OXSR1: variants seen among roughly 807,000 people sequenced by gnomAD.
OXSR1 encodes the protein oxidative stress responsive kinase 1, also known as serine/threonine-protein kinase OSR1.
In OXSR1, 24 loss-of-function variants were observed where a neutral mutation model predicts 79.8. The ratio of observed to expected loss-of-function variants is 0.30; its 90% CI spans 0.22 to 0.42. The LOEUF is 0.42. OXSR1 is among the 10% of genes least tolerant of loss of function. OXSR1 has a pLI of 1.00. For synonymous variants in OXSR1, 226 were observed against 209.2 expected (o/e 1.08, Z -0.69); for missense variants, 430 against 618.4 (o/e 0.70, Z 3.23).
chr3:38,211,057 G>T (rs1292068750), intron 4 of OXSR1, among the ~76,000 whole-genome samples: 2 of 152,152 alleles, frequency 1.3e-5, no homozygotes, highest in Non-Finnish European at 2.9e-5. Flanking sequence ...GACTATTTGG[G>T]CAGATTCACA....
intron 3 of OXSR1, among the ~76,000 whole-genome samples, chr3:38,191,886 A>T (rs1416009911): frequency 6.6e-6 from 1 of 152,114 alleles, no homozygotes; most frequent in Non-Finnish European, 1.5e-5. Context: ...TTACGGCATC[A>T]TTTCTTTTAT....
chr3:38,204,943 C>T (rs925051941), intron 4 of OXSR1, among the ~76,000 whole-genome samples: 10 of 152,314 alleles, frequency 6.6e-5, no homozygotes, highest in African/African-American at 2.4e-4. Flanking sequence ...TTTAGGACCC[C>T]AGAGCACTTT....
rs1702635574 is a variant in OXSR1 at position 38,223,758 on chromosome 3, CT to C, written c.601-50del. On this transcript the variant is annotated intron_variant, in intron 6 of 17. Transcript: ENST00000311806. ...AGCCTCCACCCTGGCCAGAAGCTAACTTTTAAAAGTCCTTTTATGCTGGTAA... is the reference window on the plus strand; with the variant it reads ...AGCCTCCACCCTGGCCAGAAGCTAACTTTAAAAGTCCTTTTATGCTGGTAA... 5.9e-6 allele frequency: 8 copies of C among 1,361,086 alleles called. No homozygotes were observed. In the East Asian group the frequency reaches 1.9e-4, roughly 32 times the overall value. The allele number at this position is 1,361,086 out of a possible 1,614,324, so 84.3% of individuals were successfully genotyped here.
chr3:38,200,345 A>T (rs762396897), intron 4 of OXSR1, among the ~76,000 whole-genome samples: 1 of 152,200 alleles, frequency 6.6e-6, no homozygotes, highest in Non-Finnish European at 1.5e-5. Flanking sequence ...GTTATAGCAG[A>T]TTAAAGGAAA....
Position 38,193,206 on chromosome 3 carries a change from A to G in OXSR1, c.292+2367A>G. ...AATAGGTGCACAAGAAATTTTAGTC[A>G]TTAATAGTAATAAGCCCTTGTTATT... On this transcript the variant is annotated intron_variant, in intron 3 of 17. Transcript: ENST00000311806. 5 of 1,159,696 alleles carry G rather than the reference A, an allele frequency of 4.3e-6. No homozygotes were observed. The South Asian group carries it at 5.1e-5, about 12-fold the overall frequency. 71.8% of individuals were successfully genotyped at this position (1,159,696 alleles called of 1,614,324 possible).
In OXSR1 at chr3:38,202,910, C is replaced by T. The variant is rs565831582; in HGVS notation, c.434+4047C>T. On this transcript the variant is annotated intron_variant, in intron 4 of 17. Transcript: ENST00000311806. ...AAGACACCCATTACTTAGCAGACCA[C>T]GAAAGGGAGTCTCCTTTCCTTGGAG... Among the ~76,000 whole-genome samples, 109 of 152,266 alleles carry T rather than the reference C, an allele frequency of 7.2e-4. 1 individual carries two copies. The highest frequency in any genetic ancestry group is 9.6e-4 in the Non-Finnish European group (65 of 68,012).
At chr3:38,182,806 C>G (rs1701812564) in intron 1 of OXSR1, among the ~76,000 whole-genome samples, 197 bp from the exon 2 acceptor site, 1 of 152,026 alleles carries the variant, frequency 6.6e-6, no homozygotes, top group Non-Finnish European at 1.5e-5. Context: ...TTTTTTTGCA[C>G]TGGTATTTAT....
rs767063485 is a variant in OXSR1, at chr3:38,246,142, C to G, written c.1178C>G (p.Pro393Arg). Residue 393 changes from proline to arginine, a missense_variant, in exon 13 of 18, where the codon CCT becomes CGT. Pro to Arg is a moderately radical substitution (Grantham distance 103). Transcript: ENST00000311806. Reference protein sequence around the residue: ...QVPEQISAHLPQPAGQIATQP... With the variant: ...QVPEQISAHLRQPAGQIATQP... ...CCAGAACAGATCTCTGCTCATCTACCTCAGCCAGCTGGGCAGATTGCTACA... is the reference window on the plus strand; with the variant it reads ...CCAGAACAGATCTCTGCTCATCTACGTCAGCCAGCTGGGCAGATTGCTACA... The G allele has an allele frequency of 3.7e-6, 6 of 1,613,802 alleles. No individual in the cohort carries two copies. The Admixed American group carries it at 1.0e-4, about 27-fold the overall frequency.
chr3:38,188,506 C>T (rs185229195), intron 2 of OXSR1, among the ~76,000 whole-genome samples: 165 of 152,304 alleles, frequency 1.1e-3, no homozygotes, highest in Non-Finnish European at 2.0e-3. Context: ...TTTATCATTT[C>T]TCCATCATCT....
chr3:38,197,502 A>G (rs1702090928), intron 3 of OXSR1, among the ~76,000 whole-genome samples: 1 of 152,218 alleles, frequency 6.6e-6, no homozygotes, highest in Non-Finnish European at 1.5e-5. Context: ...TAAATGGCAT[A>G]GCTCCTCTGC....
intron 1 of OXSR1, among the ~76,000 whole-genome samples, chr3:38,173,129 A>G (rs1250492309): frequency 1.3e-5 from 2 of 152,224 alleles, no homozygotes; most frequent in Non-Finnish European, 2.9e-5. Flanking sequence ...GAACTGTATA[A>G]TTTGGTCATT....
Position 38,214,410 on chromosome 3 carries a change from A to T in OXSR1, c.435-1686A>T, listed in dbSNP as rs143724399. Among the ~76,000 whole-genome samples the T allele has an allele frequency of 4.9e-3, 752 of 152,290 alleles. 4 individuals are homozygous for T. Among genetic ancestry groups the T allele is most frequent in the Non-Finnish European group, 8.5e-3 (578 of 68,000 alleles). On this transcript the variant is annotated intron_variant, in intron 4 of 17. Transcript: ENST00000311806. Reference sequence around the variant, plus strand: ...TGAAATAAGGAAGGGAGACAGACCTAGAAATATGATCATATAATACTCCTT... The same window carrying T: ...TGAAATAAGGAAGGGAGACAGACCTTGAAATATGATCATATAATACTCCTT...
At chr3:38,164,751 C>T (rs1478542085), upstream of OXSR1, among the ~76,000 whole-genome samples, 3 of 152,184 alleles carry the variant, frequency 2.0e-5, no homozygotes, top group African/African-American at 7.2e-5. Flanking sequence ...TCCCTCAAGG[C>T]AGGTGCTTAT....
At chr3:38,196,984 T>C (rs1702082111) in intron 3 of OXSR1, among the ~76,000 whole-genome samples, 1 of 152,250 alleles carries the variant, frequency 6.6e-6, no homozygotes, top group Non-Finnish European at 1.5e-5. Context: ...GTAAACAGTG[T>C]TTATGATCAT....
chr3:38,221,630 A>G lies in OXSR1; in HGVS notation c.543A>G (p.Lys181=), dbSNP rs1702593078. ...LATGGDITRN[K]VRKTFVGTPC... is the part of the protein sequence containing the mutation. The stretch of plus-strand genomic sequence containing the variant: ...CTGGTGGTGATATTACCCGAAATAA[A>G]GTGAGAAAGACCTTTGTTGGCACCC... Residue 181 remains lysine, a synonymous_variant, in exon 6 of 18, where the codon AAA becomes AAG. Coordinates refer to ENST00000311806, the MANE Select transcript of OXSR1 (RefSeq NM_005109.3). 1 of 1,613,380 alleles carries G rather than the reference A, an allele frequency of 6.2e-7. No homozygotes were observed. The highest frequency in any genetic ancestry group is 1.3e-5 in the African/African-American group (1 of 74,880).
At chr3:38,192,342 G>C (rs115158159) in intron 3 of OXSR1, among the ~76,000 whole-genome samples, 24 of 152,232 alleles carry the variant, frequency 1.6e-4, no homozygotes, top group Non-Finnish European at 2.8e-4. Context: ...CCCAGACCCT[G>C]AATCAGCCAA....
rs143817071 is a variant in OXSR1 at position 38,228,715 on chromosome 3, C to T, written c.837-972C>T. On this transcript the variant is annotated intron_variant, in intron 8 of 17. Coordinates refer to ENST00000311806, the MANE Select transcript of OXSR1 (RefSeq NM_005109.3). ...CCTCCCAAGTAGCTGGGACTACAGG[C>T]GCACGCCACCATGCCCTGCTAATTT... Among the ~76,000 whole-genome samples, 403 of 152,204 alleles carry T rather than the reference C, an allele frequency of 2.6e-3. 13 individuals are homozygous for T. The East Asian group carries it at 0.069, about 26-fold the overall frequency.
chr3:38,166,896 GATTTCAAGGAAA>G (rs1701475681), intron 1 of OXSR1, among the ~76,000 whole-genome samples: 5 of 152,056 alleles, frequency 3.3e-5, no homozygotes, highest in African/African-American at 1.2e-4. Context: ...TACTTAGGGT[GATTTCAAGGAAA>G]ATTCTTTTTC....
At chr3:38,203,487 G>A (rs901119082) in intron 4 of OXSR1, among the ~76,000 whole-genome samples, 1 of 152,084 alleles carries the variant, frequency 6.6e-6, no homozygotes, top group African/African-American at 2.4e-5. Context: ...AAGCCCCATA[G>A]GGCTGGACCC....
Sources: allele counts gnomAD v4.1 joint callset (sites outside exome capture counted in the v4.1 genomes callset), GRCh38; gene constraint gnomAD v4.1.1; transcripts MANE v1.5; gene names NCBI Gene and HGNC (gene_info 2026-07-23, HGNC 2026-07-21).